The following AFF2 variants were observed in gnomAD, a reference collection of about 807,000 sequenced individuals.
AFF2 encodes AF4/FMR2 family member 2.
AFF2 carries 14 observed loss-of-function variants against 76.9 expected under a neutral mutation model. The observed-to-expected ratio is 0.18, with a 90% CI of 0.12 to 0.28. The LOEUF is 0.28. AFF2 is among the 10% of genes least tolerant of loss of function. AFF2 has a pLI of 1.00. For missense variants in AFF2, 868 were observed against 1,001.1 expected (o/e 0.87, Z 1.79); for synonymous variants, 398 against 366.7 (o/e 1.09, Z -0.98).
At position 148,996,501 on chromosome X, in the gene AFF2, C is replaced by T. The variant is rs782125118; in HGVS notation, c.*5169C>T. The T allele has an allele frequency of 8.9e-6, 1 of 112,963 alleles. No individual in the cohort carries two copies. Among genetic ancestry groups the T allele is most frequent in the African/African-American group, 3.2e-5 (1 of 31,161 alleles). The allele number at this position is 112,963 out of a possible 1,213,427, so 9.3% of individuals were successfully genotyped here. ...TGGGCAAAAATGCTTCAACACGCCA[C>T]TGGATGCAGCCAGTCAGAGGGTTCA... On this transcript the variant is annotated 3_prime_UTR_variant, in exon 21 of 21. Coordinates refer to ENST00000370460, the MANE Select transcript of AFF2 (RefSeq NM_002025.4).
chrX:148,553,813 CAG>C (rs1266631380), intron 1 of AFF2, among the ~76,000 whole-genome samples: 1 of 112,380 alleles, frequency 8.9e-6, no homozygotes, highest in East Asian at 2.8e-4. Context: ...GGACAATCTA[CAG>C]AGTGCTCCCA....
intron 20 of AFF2, 86 bp from the exon 21 acceptor site, chrX:148,991,125 G>C: frequency 1.1e-6 from 1 of 936,941 alleles, no homozygotes; most frequent in Non-Finnish European, 1.5e-6. Context: ...TGTGGTTGTG[G>C]TGTTGTGTGA....
intron 9 of AFF2, among the ~76,000 whole-genome samples, chrX:148,926,037 A>G (rs1441982584): frequency 8.9e-6 from 1 of 112,242 alleles, no homozygotes; most frequent in African/African-American, 3.2e-5. Flanking sequence ...TTCTATGTGT[A>G]CAAAAATCCC....
At chrX:148,583,106 A>G (rs868935084) in intron 1 of AFF2, among the ~76,000 whole-genome samples, 2 of 112,056 alleles carry the variant, frequency 1.8e-5, no homozygotes, top group Non-Finnish European at 3.8e-5. Context: ...TGATGGAAGG[A>G]TGGAGTGCAA....
chrX:148,528,047 G>C (rs1477085853), intron 1 of AFF2, among the ~76,000 whole-genome samples: 1 of 112,211 alleles, frequency 8.9e-6, no homozygotes, highest in Non-Finnish European at 1.9e-5. Flanking sequence ...CTAACCATAG[G>C]TAGTGTCCTG....
chrX:148,871,668 C>T (rs782623294), intron 7 of AFF2, among the ~76,000 whole-genome samples: 2 of 111,555 alleles, frequency 1.8e-5, no homozygotes, highest in South Asian at 3.9e-4. Flanking sequence ...TTGCGAGGAA[C>T]ATTGCACAGA....
intron 3 of AFF2, among the ~76,000 whole-genome samples, chrX:148,701,012 A>AATGTGTGTGTGTGTGTG (rs782232655): frequency 2.0e-4 from 15 of 73,741 alleles, no homozygotes; most frequent in African/African-American, 8.2e-4. Flanking sequence ...GAGAGAGAGA[A>AATGTGTGTGTGTGTGTG]TGTGTGTGTG....
At chrX:148,795,100 C>T (rs1557270281) in intron 3 of AFF2, among the ~76,000 whole-genome samples, 12 of 112,164 alleles carry the variant, frequency 1.1e-4, no homozygotes. Flanking sequence ...TGTGAAAGGA[C>T]TTTGTAACCT....
At chrX:148,652,636 C>A (rs1289442834) in intron 2 of AFF2, among the ~76,000 whole-genome samples, 1 of 111,512 alleles carries the variant, frequency 9.0e-6, no homozygotes, top group Non-Finnish European at 1.9e-5. Flanking sequence ...ATCATTTTTC[C>A]TGGTGGTTAA....
intron 3 of AFF2, among the ~76,000 whole-genome samples, chrX:148,805,296 A>C (rs1181807309): frequency 1.8e-5 from 2 of 111,525 alleles, no homozygotes; most frequent in Non-Finnish European, 3.8e-5. Flanking sequence ...GTCAAGGTGG[A>C]ATATGCCTAG....
intron 1 of AFF2, among the ~76,000 whole-genome samples, chrX:148,550,952 T>A (rs2052982777): frequency 1.8e-5 from 2 of 108,165 alleles, no homozygotes; most frequent in African/African-American, 6.8e-5. Flanking sequence ...TCGTCCTGAG[T>A]TTCCCTGACC....
At chrX:148,720,314 C>T (rs1413815551) in intron 3 of AFF2, among the ~76,000 whole-genome samples, 1 of 109,796 alleles carries the variant, frequency 9.1e-6, no homozygotes, top group Non-Finnish European at 1.9e-5. Flanking sequence ...GTCTTCCTCC[C>T]TCTCTCCTTC....
intron 3 of AFF2, among the ~76,000 whole-genome samples, chrX:148,803,266 G>A (rs2070084644): frequency 9.0e-6 from 1 of 111,708 alleles, no homozygotes. Context: ...AGTCACGGAG[G>A]CTGGCAAAGA....
chrX:148,882,877 G>A lies in AFF2; in HGVS notation c.1263-3012G>A, dbSNP rs186838311. Among the ~76,000 whole-genome samples, 249 of 111,940 alleles carry A rather than the reference G, an allele frequency of 2.2e-3. 2 individuals are homozygous for A. The highest frequency in any genetic ancestry group is 7.8e-3 in the African/African-American group (241 of 30,829). Reference sequence around the variant, plus strand: ...CTAGTTCCTCCAGAGATAACTAATAGTAATTTGCTTCCTAGTTACTTCTTT... The same window carrying A: ...CTAGTTCCTCCAGAGATAACTAATAATAATTTGCTTCCTAGTTACTTCTTT... On this transcript the variant is annotated intron_variant, in intron 7 of 20. Transcript: ENST00000370460.
intron 1 of AFF2, among the ~76,000 whole-genome samples, chrX:148,576,037 C>T (rs1464449902): frequency 9.0e-6 from 1 of 110,874 alleles, no homozygotes; most frequent in African/African-American, 3.3e-5. Flanking sequence ...GACAAGAATT[C>T]AGTAGCAGTG....
At chrX:148,841,627 G>A (rs782731090) in intron 5 of AFF2, among the ~76,000 whole-genome samples, 2 of 111,871 alleles carry the variant, frequency 1.8e-5, no homozygotes, top group East Asian at 5.6e-4. Context: ...TGCTTTTTAA[G>A]TTCAGACTTT....
At chrX:148,555,318 C>T (rs1557239529) in intron 1 of AFF2, among the ~76,000 whole-genome samples, 1 of 112,042 alleles carries the variant, frequency 8.9e-6, no homozygotes, top group African/African-American at 3.2e-5. Context: ...GAAGGGGCTG[C>T]GAGAGGATTA....
chrX:148,831,324 G>C (rs1298611869), intron 4 of AFF2, among the ~76,000 whole-genome samples: 1 of 112,487 alleles, frequency 8.9e-6, no homozygotes, highest in Non-Finnish European at 1.9e-5. Flanking sequence ...AATCACAAGA[G>C]TATTGATTGG....
intron 3 of AFF2, among the ~76,000 whole-genome samples, chrX:148,724,078 C>T (rs1300940159): frequency 7.3e-5 from 8 of 109,325 alleles, no homozygotes; most frequent in African/African-American, 2.3e-4. Context: ...CTTCCCATCC[C>T]GTTCCTAGCA....
Sources: gnomAD v4.1 joint callset for allele counts (sites outside exome capture counted in the v4.1 genomes callset) on GRCh38, gnomAD v4.1.1 for gene constraint, MANE v1.5 for transcripts, NCBI Gene and HGNC (gene_info 2026-07-23, HGNC 2026-07-21) for gene names.